IFFO2: variants seen among roughly 807,000 people sequenced by gnomAD.
The protein encoded by IFFO2 is intermediate filament family orphan 2.
A neutral mutation model predicts 53.5 loss-of-function variants in IFFO2; 19 were observed. The ratio of observed to expected loss-of-function variants is 0.36; its 90% CI spans 0.25 to 0.52. IFFO2 has a LOEUF of 0.52. Ranked by LOEUF, IFFO2 falls within the 20% of genes least tolerant of loss-of-function variation. The probability of loss-of-function intolerance (pLI) is 0.94; values close to 1 mark genes in which losing one functional copy is unlikely to be tolerated. For missense variants in IFFO2, 570 were observed against 727.4 expected (o/e 0.78, Z 2.49); for synonymous variants, 303 against 313.6 (o/e 0.97, Z 0.36).
At position 18,918,250 on chromosome 1, in the gene IFFO2, G is replaced by T; in HGVS notation, c.963+112C>A. The T allele has an allele frequency of 9.9e-7, 1 of 1,010,384 alleles. No individual in the cohort carries two copies. The highest frequency in any genetic ancestry group is 1.5e-6 in the Non-Finnish European group (1 of 680,128). The allele number at this position is 1,010,384 out of a possible 1,614,324, so 62.6% of individuals were successfully genotyped here. ...CAGGTAGTGCTACCTCTCGGGGAAG[G>T]GGAGGGAGTGAGTGGGATGTGGAGG... On this transcript the variant is annotated intron_variant, in intron 4 of 8. Transcript: ENST00000455833. This position sits in a 1 kb window ranked among gnomAD's most constrained non-coding sequence, Gnocchi z 5.2.
At chr1:18,934,950 T>G (rs962167179) in intron 1 of IFFO2, among the ~76,000 whole-genome samples, 2 of 152,192 alleles carry the variant, frequency 1.3e-5, no homozygotes, top group African/African-American at 4.8e-5. Flanking sequence ...CAGGTATCCC[T>G]CTGGGATACC....
rs572931015 is a variant in IFFO2, at chr1:18,940,521, GCCC to G, written c.665+15144_665+15146del. 2.2e-4 allele frequency among the ~76,000 whole-genome samples: 34 copies of G among 151,488 alleles called. No homozygotes were observed. The East Asian group carries it at 6.4e-3, about 29-fold the overall frequency. ...CCAAGCATAGGGACTGAGCACCGTG[GCCC>G]AGAAAAGGATGGATGGATGGACAGA... On this transcript the variant is annotated intron_variant, in intron 1 of 8. Coordinates refer to ENST00000455833, the MANE Select transcript of IFFO2 (RefSeq NM_001136265.2).
At chr1:18,914,000 T>C (rs1290353919) in intron 5 of IFFO2, among the ~76,000 whole-genome samples, 1 of 152,046 alleles carries the variant, frequency 6.6e-6, no homozygotes, top group Non-Finnish European at 1.5e-5. Context: ...CCCGGCTAAT[T>C]TTTTGTATTT....
At chr1:18,933,821 G>T (rs1187637659) in intron 1 of IFFO2, among the ~76,000 whole-genome samples, 1 of 152,122 alleles carries the variant, frequency 6.6e-6, no homozygotes, top group East Asian at 1.9e-4. Context: ...TTTTAAAGTG[G>T]CATTAAGTGC....
intron 1 of IFFO2, among the ~76,000 whole-genome samples, chr1:18,943,016 G>C (rs1569862340): frequency 6.6e-6 from 1 of 151,676 alleles, no homozygotes; most frequent in South Asian, 2.1e-4. Flanking sequence ...TTTAAGTCCT[G>C]ATGTTTTAAA....
rs1027705412 is a variant in IFFO2, at chr1:18,956,309, C to T, written c.24G>A (p.Gly8=). 6.4e-6 allele frequency: 3 copies of T among 466,276 alleles called. No individual in the cohort carries two copies. The highest frequency in any genetic ancestry group is 4.3e-5 in the African/African-American group (2 of 46,662). The allele number at this position is 466,276 out of a possible 1,614,324, so 28.9% of individuals were successfully genotyped here. Residue 8 remains glycine, a synonymous_variant, in exon 1 of 9, where the codon GGG becomes GGA. Transcript: ENST00000455833. The surrounding 1 kb of genome is among the most constrained non-coding windows in gnomAD (Gnocchi z 6.4). Reference sequence around the variant, plus strand: ...GGCAGCCGAAGGCCAAGGCCATCTCCCCGAACAGCAGCGAGTTCACCATGC... The same window carrying T: ...GGCAGCCGAAGGCCAAGGCCATCTCTCCGAACAGCAGCGAGTTCACCATGC... The part of the protein sequence containing the change: MVNSLLF[G]EMALAFGCPP...
rs1477781383 is a variant in IFFO2 at position 18,936,345 on chromosome 1, T to A, written c.666-15224A>T. ...GAAAGTTGGTGTCCACGGCTCTCCA[T>A]CCCTGGGACATTGTCTTTCTGCCTA... On this transcript the variant is annotated intron_variant, in intron 1 of 8. Transcript: ENST00000455833. The surrounding 1 kb of genome is among the most constrained non-coding windows in gnomAD (Gnocchi z 4.5). Among the ~76,000 whole-genome samples the A allele has an allele frequency of 6.6e-6, 1 of 152,190 alleles. No individual in the cohort carries two copies. The highest frequency in any genetic ancestry group is 1.5e-5 in the Non-Finnish European group (1 of 68,028).
At chr1:18,943,371 C>A (rs530586862) in intron 1 of IFFO2, among the ~76,000 whole-genome samples, 4 of 152,174 alleles carry the variant, frequency 2.6e-5, no homozygotes, top group African/African-American at 9.6e-5. Flanking sequence ...CAGAGCAAGA[C>A]CCTGTCTTAA....
chr1:18,919,597 G>A lies in IFFO2; in HGVS notation c.822+81C>T, dbSNP rs189697903. 1.5e-4 allele frequency: 138 copies of A among 930,332 alleles called. 3 individuals carry two copies. Among genetic ancestry groups the A allele is most frequent in the South Asian group, 1.4e-3 (100 of 71,092 alleles). 57.6% of individuals were successfully genotyped at this position (930,332 alleles called of 1,614,324 possible). On this transcript the variant is annotated intron_variant, in intron 3 of 8. Coordinates refer to ENST00000455833, the MANE Select transcript of IFFO2 (RefSeq NM_001136265.2). This position sits in a 1 kb window ranked among gnomAD's most constrained non-coding sequence, Gnocchi z 4.9. ...GGATTCTAACTAGAAGCCGAGCCCC[G>A]GAGCCTCGGAGGGAATGAAGCATTT...
chr1:18,922,310 G>A (rs1421344262), intron 1 of IFFO2, among the ~76,000 whole-genome samples: 2 of 152,058 alleles, frequency 1.3e-5, no homozygotes, highest in Non-Finnish European at 2.9e-5. Context: ...GTCCATCCTG[G>A]GACAGACAGA....
chr1:18,929,916 G>T (rs1390273748), intron 1 of IFFO2, among the ~76,000 whole-genome samples: 2 of 152,188 alleles, frequency 1.3e-5, no homozygotes, highest in Non-Finnish European at 2.9e-5. Context: ...GAAAACAACT[G>T]CCATGATCCC....
At chr1:18,924,360 A>G (rs939302346) in intron 1 of IFFO2, among the ~76,000 whole-genome samples, 1 of 151,636 alleles carries the variant, frequency 6.6e-6, no homozygotes, top group East Asian at 1.9e-4. Context: ...CTTCCCAAGC[A>G]CAACCCTCCC....
intron 1 of IFFO2, among the ~76,000 whole-genome samples, chr1:18,921,778 G>T (rs1265118135): frequency 6.6e-6 from 1 of 152,110 alleles, no homozygotes; most frequent in African/African-American, 2.4e-5. Context: ...CGTTTACTAT[G>T]TGCCAAGCCC....
rs1016838350 is a variant in IFFO2, at chr1:18,916,073, C to T, written c.1103+830G>A. On this transcript the variant is annotated intron_variant, in intron 5 of 8. Transcript: ENST00000455833. The surrounding 1 kb of genome is among the most constrained non-coding windows in gnomAD (Gnocchi z 4.3). ...CCGGGAGGCAGAGGTTGCAGTGAGCCGAGATCTGGCCGCTATACTCCAGTC... is the reference window on the plus strand; with the variant it reads ...CCGGGAGGCAGAGGTTGCAGTGAGCTGAGATCTGGCCGCTATACTCCAGTC... Among the ~76,000 whole-genome samples the T allele has an allele frequency of 1.3e-5, 2 of 151,720 alleles. No homozygotes were observed. The highest frequency in any genetic ancestry group is 2.4e-5 in the African/African-American group (1 of 41,260).
chr1:18,937,707 C>T (rs1235440697), intron 1 of IFFO2, among the ~76,000 whole-genome samples: 1 of 152,226 alleles, frequency 6.6e-6, no homozygotes, highest in Non-Finnish European at 1.5e-5. Context: ...TGCAGTGACT[C>T]ATCCAGGGTC....
chr1:18,909,220 C>A (rs951796844), intron 8 of IFFO2, among the ~76,000 whole-genome samples: 1 of 152,142 alleles, frequency 6.6e-6, no homozygotes, highest in Admixed American at 6.5e-5. Flanking sequence ...ATCTGGCCCC[C>A]ACAGAGCTGT....
chr1:18,950,225 CCAA>C (rs1936643203), intron 1 of IFFO2, among the ~76,000 whole-genome samples: 1 of 152,190 alleles, frequency 6.6e-6, no homozygotes, highest in South Asian at 2.1e-4. Flanking sequence ...CCCTCCACCC[CCAA>C]CACCATCTCT....
intron 7 of IFFO2, among the ~76,000 whole-genome samples, chr1:18,910,676 T>C (rs923629986): frequency 6.6e-6 from 1 of 152,214 alleles, no homozygotes; most frequent in Non-Finnish European, 1.5e-5. Context: ...GAACTCCTTC[T>C]GGCCAAAGGG....
Position 18,919,985 on chromosome 1 carries a change from C to T in IFFO2, c.727-212G>A, listed in dbSNP as rs963485182. Among the ~76,000 whole-genome samples, 1 of 152,200 alleles carries T rather than the reference C, an allele frequency of 6.6e-6. No individual in the cohort carries two copies. Among genetic ancestry groups the T allele is most frequent in the Non-Finnish European group, 1.5e-5 (1 of 68,038 alleles). ...ACACTTTTCAAAGCGTTATCTATTA[C>T]GTGGGAAAATCCATGGAAGGTATTA... On this transcript the variant is annotated intron_variant, in intron 2 of 8. Transcript: ENST00000455833. This position sits in a 1 kb window ranked among gnomAD's most constrained non-coding sequence, Gnocchi z 4.9.
Sources: allele counts gnomAD v4.1 joint callset (sites outside exome capture counted in the v4.1 genomes callset), GRCh38; gene constraint gnomAD v4.1.1; non-coding constraint Gnocchi (gnomAD v3.1); transcripts MANE v1.5; gene names NCBI Gene and HGNC (gene_info 2026-07-23, HGNC 2026-07-21).